Variants in OPRL1 observed in about 807,000 individuals in gnomAD.
OPRL1 encodes the protein nociceptin receptor.
A neutral mutation model predicts 15.5 loss-of-function variants in OPRL1; 5 were observed. That is an observed-to-expected ratio of 0.32 (90% CI 0.17 to 0.68). The LOEUF (loss-of-function observed/expected upper bound fraction) is 0.68. Ranked by LOEUF, OPRL1 falls within the 30% of genes least tolerant of loss-of-function variation. OPRL1 has a pLI of 0.72. For missense variants in OPRL1, 406 were observed against 515.3 expected (o/e 0.79, Z 2.05); for synonymous variants, 223 against 230.2 (o/e 0.97, Z 0.28).
At position 64,092,898 on chromosome 20, in the gene OPRL1, G is replaced by A; in HGVS notation, c.178G>A (p.Ala60Thr). The change falls in exon 3 of 5, where the codon GCC becomes ACC. Residue 60 changes from alanine (A) to threonine (T), a missense_variant. By Grantham distance (58) the Ala-to-Thr change is moderately conservative. Transcript: ENST00000336866. ...LKVTIVGLYLAVCVGGLLGNC... is the reference protein window; with the variant it reads ...LKVTIVGLYLTVCVGGLLGNC... The stretch of plus-strand genomic sequence containing the variant: ...GGTCACCATCGTGGGGCTCTACCTG[G>A]CCGTGTGTGTCGGAGGGCTCCTGGG... 1 of 1,612,740 alleles carries A rather than the reference G, an allele frequency of 6.2e-7. No homozygotes were observed. Among genetic ancestry groups the A allele is most frequent in the East Asian group, 2.2e-5 (1 of 44,880 alleles).
chr20:64,090,513 G>T lies in OPRL1; in HGVS notation c.-184-1453G>T, dbSNP rs1195472242. 6.6e-6 allele frequency among the ~76,000 whole-genome samples: 1 copy of T among 152,200 alleles called. No homozygotes were observed. The highest frequency in any genetic ancestry group is 1.5e-5 in the Non-Finnish European group (1 of 68,026). On this transcript the variant is annotated intron_variant, in intron 1 of 4. Transcript: ENST00000336866. This position sits in a 1 kb window ranked among gnomAD's most constrained non-coding sequence, Gnocchi z 4.9. ...CTCGGAGCAGGGTCTGAGCTGTGTG[G>T]GGAGAGGTCTGGTTTTCCTGCAAAG...
chr20:64,093,109 C>T (rs892289013), intron 3 of OPRL1, among the ~76,000 whole-genome samples, 156 bp downstream of exon 3: 3 of 151,862 alleles, frequency 2.0e-5, no homozygotes, highest in African/African-American at 7.2e-5. Context: ...AGGGTCAGTC[C>T]TGAGGCCCTG....
At chr20:64,086,639 G>C (rs2060054182) in intron 1 of OPRL1, 1 of 196,162 alleles carries the variant, frequency 5.1e-6, no homozygotes, top group African/African-American at 2.4e-5. Flanking sequence ...ACATGATATT[G>C]AGAAGCTACA....
In OPRL1 at chr20:64,089,810, A is replaced by T. The variant is rs188214373; in HGVS notation, c.-184-2156A>T. 6.6e-6 allele frequency among the ~76,000 whole-genome samples: 1 copy of T among 152,256 alleles called. No homozygotes were observed. Among genetic ancestry groups the T allele is most frequent in the East Asian group, 1.9e-4 (1 of 5,156 alleles). On this transcript the variant is annotated intron_variant, in intron 1 of 4. Coordinates refer to ENST00000336866, the MANE Select transcript of OPRL1 (RefSeq NM_182647.4). The surrounding 1 kb of genome is among the most constrained non-coding windows in gnomAD (Gnocchi z 5.5). ...CGAGGTCTCTGCTCTGCCCACCCTC[A>T]GTGCCTACAGTGCCCAGGCTGGGTC...
Position 64,098,826 on chromosome 20 carries a change from T to C in OPRL1, c.*27T>C. 6.4e-7 allele frequency: 1 copy of C among 1,563,856 alleles called. No homozygotes were observed. The highest frequency in any genetic ancestry group is 2.2e-5 in the East Asian group (1 of 44,584). On this transcript the variant is annotated 3_prime_UTR_variant, in exon 5 of 5. Coordinates refer to ENST00000336866, the MANE Select transcript of OPRL1 (RefSeq NM_182647.4). ...TAGGCGTGGACCTGCCCATGGTGCC[T>C]GTCAGCCCGCAGAGCCCATCTACGC...
rs930223125 is a variant in OPRL1 at position 64,092,798 on chromosome 20, C to T, written c.78C>T (p.Ser26=). 3.7e-6 allele frequency: 6 copies of T among 1,612,656 alleles called. No individual in the cohort carries two copies. The highest frequency in any genetic ancestry group is 5.1e-6 in the Non-Finnish European group (6 of 1,179,968). ...SHLQGNLSLL[S]PNHSLLPPHL... ...TTCAGGGCAACCTGTCCCTCCTGAGCCCCAACCACAGTCTGCTGCCCCCGC... is the reference window on the plus strand; with the variant it reads ...TTCAGGGCAACCTGTCCCTCCTGAGTCCCAACCACAGTCTGCTGCCCCCGC... The change falls in exon 3 of 5, where the codon AGC becomes AGT. Residue 26 remains serine (S), a synonymous_variant. Transcript: ENST00000336866.
In OPRL1 at chr20:64,083,252, A is replaced by T; in HGVS notation, c.-185+2900A>T. The T allele has an allele frequency of 1.2e-6, 1 of 830,174 alleles. No homozygotes were observed. Among genetic ancestry groups the T allele is most frequent in the Non-Finnish European group, 1.8e-6 (1 of 541,526 alleles). The allele number at this position is 830,174 out of a possible 1,614,324, so 51.4% of individuals were successfully genotyped here. A position where few individuals can be genotyped will look rare whatever the true frequency, so the allele number is the denominator to read the frequency against. On this transcript the variant is annotated intron_variant, in intron 1 of 4. Coordinates refer to ENST00000336866, the MANE Select transcript of OPRL1 (RefSeq NM_182647.4). The surrounding 1 kb of genome is among the most constrained non-coding windows in gnomAD (Gnocchi z 4.9). ...CACACCCACCCACTTGCGTCTCCCC[A>T]CTTTTTTGGGAGAGGCCCCACTCTC...
rs142176694 is a variant in OPRL1, at chr20:64,085,896, C to T, written c.-185+5544C>T. Among the ~76,000 whole-genome samples the T allele has an allele frequency of 3.7e-3, 560 of 152,286 alleles. 3 individuals carry two copies. The highest frequency in any genetic ancestry group is 6.3e-3 in the Non-Finnish European group (429 of 68,020). ...GACATTCAGCCCTATGTCCCAGAGC[C>T]GGCACCCCATCCCACAGCTAGGCCC... On this transcript the variant is annotated intron_variant, in intron 1 of 4. Transcript: ENST00000336866.
At position 64,083,635 on chromosome 20, in the gene OPRL1, A is replaced by T. The variant is rs1205562206; in HGVS notation, c.-185+3283A>T. ...CCGCGCGGGCTTCAGCTGCGGCGGC[A>T]GGAACAGCTCCAGCCGGATGGCGGC... On this transcript the variant is annotated intron_variant, in intron 1 of 4. Coordinates refer to ENST00000336866, the MANE Select transcript of OPRL1 (RefSeq NM_182647.4). This position sits in a 1 kb window ranked among gnomAD's most constrained non-coding sequence, Gnocchi z 4.9. The T allele has an allele frequency of 1.4e-6, 2 of 1,474,360 alleles. No homozygotes were observed. The highest frequency in any genetic ancestry group is 5.0e-5 in the Admixed American group (2 of 40,240). The allele number at this position is 1,474,360 out of a possible 1,614,324, so 91.3% of individuals were successfully genotyped here. A position where few individuals can be genotyped will look rare whatever the true frequency, so the allele number is the denominator to read the frequency against.
Position 64,083,712 on chromosome 20 carries a change from G to C in OPRL1, c.-185+3360G>C, listed in dbSNP as rs1014253627. ...GCAGCGCGATCTCCTCGGCCTGCGG[G>C]GCCCGGGTAGCTGAGCGCGCGCCGA... On this transcript the variant is annotated intron_variant, in intron 1 of 4. Transcript: ENST00000336866. This position sits in a 1 kb window ranked among gnomAD's most constrained non-coding sequence, Gnocchi z 4.9. 3 of 1,375,440 alleles carry C rather than the reference G, an allele frequency of 2.2e-6. No homozygotes were observed. The highest frequency in any genetic ancestry group is 1.7e-5 in the South Asian group (1 of 59,066). 85.2% of individuals were successfully genotyped at this position (1,375,440 alleles called of 1,614,324 possible).
intron 1 of OPRL1, among the ~76,000 whole-genome samples, chr20:64,088,734 G>GT (rs1411930057): frequency 0.014 from 116 of 8,186 alleles, 16 homozygotes; most frequent in Admixed American, 0.031. Flanking sequence ...ATCTGTGCAA[G>GT]GGGTAGGATC....
In OPRL1 at chr20:64,098,344, T is replaced by G; in HGVS notation, c.658T>G (p.Phe220Val). Reference sequence around the variant, plus strand: ...GGGCCCGGTGTTTGCCATCTGCATCTTCCTCTTCTCCTTCATCGTCCCCGT... The same window carrying G: ...GGGCCCGGTGTTTGCCATCTGCATCGTCCTCTTCTCCTTCATCGTCCCCGT... Reference protein sequence around the residue: ...YWGPVFAICIFLFSFIVPVLV... With the variant: ...YWGPVFAICIVLFSFIVPVLV... The change falls in exon 5 of 5, where the codon TTC (phenylalanine) becomes GTC (valine). Residue 220 changes from phenylalanine to valine, a missense_variant. By Grantham distance (50) the Phe-to-Val change is conservative (BLOSUM62 -1). Transcript: ENST00000336866. The G allele has an allele frequency of 6.2e-7, 1 of 1,613,960 alleles. No individual in the cohort carries two copies. Among genetic ancestry groups the G allele is most frequent in the Non-Finnish European group, 8.5e-7 (1 of 1,180,002 alleles).
At chr20:64,084,194 C>T (rs1201835420) in intron 1 of OPRL1, 2 of 1,440,738 alleles carry the variant, frequency 1.4e-6, no homozygotes, top group Non-Finnish European at 1.8e-6. Flanking sequence ...GCCCTTGCGC[C>T]CGCCCTCCTT....
At position 64,097,764 on chromosome 20, in the gene OPRL1, T is replaced by A. The variant is rs749635607; in HGVS notation, c.234-38T>A. Reference sequence around the variant, plus strand: ...CCTTTGCTGCCTGGTCCAGCCAGCATGGCCAAGTGAAGCCTTTCTTCTCCC... The same window carrying A: ...CCTTTGCTGCCTGGTCCAGCCAGCAAGGCCAAGTGAAGCCTTTCTTCTCCC... On this transcript the variant is annotated intron_variant, in intron 3 of 4. Coordinates refer to ENST00000336866, the MANE Select transcript of OPRL1 (RefSeq NM_182647.4). This position sits in a 1 kb window ranked among gnomAD's most constrained non-coding sequence, Gnocchi z 4.2. 1 of 1,576,294 alleles carries A rather than the reference T, an allele frequency of 6.3e-7. No individual in the cohort carries two copies. The highest frequency in any genetic ancestry group is 1.3e-5 in the African/African-American group (1 of 74,202).
In OPRL1 at chr20:64,083,699, C is replaced by G; in HGVS notation, c.-185+3347C>G. The G allele has an allele frequency of 7.2e-7, 1 of 1,392,482 alleles. No homozygotes were observed. Among genetic ancestry groups the G allele is most frequent in the Non-Finnish European group, 9.2e-7 (1 of 1,082,028 alleles). 86.3% of individuals were successfully genotyped at this position (1,392,482 alleles called of 1,614,324 possible). ...TGCCGCTGGATGAGCAGCGCGATCT[C>G]CTCGGCCTGCGGGGCCCGGGTAGCT... is the stretch of plus-strand genomic sequence containing the variant. On this transcript the variant is annotated intron_variant, in intron 1 of 4. Transcript: ENST00000336866. The surrounding 1 kb of genome is among the most constrained non-coding windows in gnomAD (Gnocchi z 4.9).
Position 64,098,121 on chromosome 20 carries a change from G to C in OPRL1, c.553G>C (p.Val185Leu), listed in dbSNP as rs1401402864. ...CCTGGCCTCTGTTGTCGGTGTTCCC[G>C]TTGCCATCATGGGCTCGGCACAGGT... ...WALASVVGVP[V>L]AIMGSAQVED... Residue 185 changes from valine (V) to leucine (L), a missense_variant, in exon 4 of 5, where the codon GTT becomes CTT. Coordinates refer to ENST00000336866, the MANE Select transcript of OPRL1 (RefSeq NM_182647.4). 1 of 1,613,098 alleles carries C rather than the reference G, an allele frequency of 6.2e-7. No individual in the cohort carries two copies. The highest frequency in any genetic ancestry group is 8.5e-7 in the Non-Finnish European group (1 of 1,180,008).
At chr20:64,084,206 G>A (rs1393769155) in intron 1 of OPRL1, 1 of 1,419,766 alleles carries the variant, frequency 7.0e-7, no homozygotes, top group East Asian at 3.1e-5. Context: ...GCCCTCCTTC[G>A]CTGGCGGCGG....
chr20:64,082,835 G>T (rs1428029148), intron 1 of OPRL1, among the ~76,000 whole-genome samples: 1 of 151,354 alleles, frequency 6.6e-6, no homozygotes, highest in Non-Finnish European at 1.5e-5. Flanking sequence ...GTGGGTGTGG[G>T]GGTGTGGCAT....
At chr20:64,096,872 CCACCAT>C (rs1569278453) in intron 3 of OPRL1, among the ~76,000 whole-genome samples, 15 of 137,798 alleles carry the variant, frequency 1.1e-4, no homozygotes, top group Middle Eastern at 3.6e-3. Context: ...ATCACCACCA[CCACCAT>C]CATTACCATC....
Sources: gnomAD v4.1 joint callset for allele counts (sites outside exome capture counted in the v4.1 genomes callset) on GRCh38, gnomAD v4.1.1 for gene constraint, Gnocchi (gnomAD v3.1) non-coding constraint, MANE v1.5 for transcripts, NCBI Gene and HGNC (gene_info 2026-07-23, HGNC 2026-07-21) for gene names.